The following RNF115 variants were observed in gnomAD, a reference collection of about 807,000 sequenced individuals.
RNF115 encodes the protein ring finger protein 115, also known as E3 ubiquitin-protein ligase RNF115.
In RNF115, 31 loss-of-function variants were observed where a neutral mutation model predicts 39.2. The ratio of observed to expected loss-of-function variants is 0.79; its 90% CI spans 0.59 to 1.07. RNF115 has a LOEUF of 1.07. RNF115 is among the 50% of genes least tolerant of loss of function. The probability of loss-of-function intolerance (pLI) is 0.00; values close to 1 mark genes in which losing one functional copy is unlikely to be tolerated. For missense variants in RNF115, 384 were observed against 381.7 expected, an observed-to-expected ratio of 1.01 and a Z score of -0.05; for synonymous variants, 124 against 131.0, an observed-to-expected ratio of 0.95 and a Z score of 0.37.
rs1347044233 is a variant in RNF115 at position 145,740,323 on chromosome 1, G to A, written c.*6543C>T. On this transcript the variant is annotated 3_prime_UTR_variant, in exon 9 of 9. Coordinates refer to ENST00000582693, the MANE Select transcript of RNF115 (RefSeq NM_014455.4). Reference sequence around the variant, plus strand: ...AGGAAACATCACTGCCCAAGTTTATGAAGACATTTAAGAGCATCAGATTAC... The same window carrying A: ...AGGAAACATCACTGCCCAAGTTTATAAAGACATTTAAGAGCATCAGATTAC... 6.6e-6 allele frequency: 1 copy of A among 152,180 alleles called. No individual in the cohort carries two copies. Among genetic ancestry groups the A allele is most frequent in the Non-Finnish European group, 1.5e-5 (1 of 68,024 alleles). The allele number at this position is 152,180 out of a possible 1,614,324, so 9.4% of individuals were successfully genotyped here.
chr1:145,799,336 G>A (rs1339501429), intron 1 of RNF115, among the ~76,000 whole-genome samples: 2 of 152,110 alleles, frequency 1.3e-5, no homozygotes, highest in Non-Finnish European at 2.9e-5. Context: ...AAAGTGCTGG[G>A]ATTACAGGCA....
chr1:145,765,434 AAAAAAAATTATT>A lies in RNF115; in HGVS notation c.428+6265_428+6276del, dbSNP rs1418376566. Among the ~76,000 whole-genome samples the A allele has an allele frequency of 3.3e-5, 5 of 151,888 alleles. No homozygotes were observed. In the East Asian group the frequency reaches 9.6e-4, roughly 29 times the overall value. ...TGATCAATAAAAAAAAAAAAAATTA[AAAAAAAATTATT>A]TGAAGTGAAATATGAGTAATTCCTT... On this transcript the variant is annotated intron_variant, in intron 4 of 8. Transcript: ENST00000582693.
At chr1:145,780,997 T>C (rs1374013558) in intron 3 of RNF115, among the ~76,000 whole-genome samples, 2 of 152,162 alleles carry the variant, frequency 1.3e-5, no homozygotes, top group Admixed American at 6.5e-5. Context: ...AAGCTTAGTA[T>C]AGCAATGTCT....
rs190850752 is a variant in RNF115, at chr1:145,780,477, A to T, written c.219+4062T>A. On this transcript the variant is annotated intron_variant, in intron 3 of 8. Transcript: ENST00000582693. The stretch of plus-strand genomic sequence containing the variant: ...CTACTAAAAATATAAAAAATTAGCC[A>T]GGCGTGGTGGCACGCGCCTGTGGTC... Among the ~76,000 whole-genome samples the T allele has an allele frequency of 4.4e-3, 672 of 151,838 alleles. 5 individuals are homozygous for T. Among genetic ancestry groups the T allele is most frequent in the African/African-American group, 0.016 (643 of 41,428 alleles).
At chr1:145,789,821 T>C (rs1298576165) in intron 1 of RNF115, among the ~76,000 whole-genome samples, 2 of 150,096 alleles carry the variant, frequency 1.3e-5, no homozygotes, top group Non-Finnish European at 3.0e-5. Flanking sequence ...GTGATTCTCC[T>C]GCCTCAGCCT....
At chr1:145,766,789 CGGGGGGGGGGGGGG>C (rs1164074188) in intron 4 of RNF115, among the ~76,000 whole-genome samples, 1 of 5,080 alleles carries the variant, frequency 2.0e-4, no homozygotes, top group Non-Finnish European at 6.3e-4. Flanking sequence ...GGCGGCTGGC[CGGGGGGGGGGGGGG>C]GGGGGGGCTG....
intron 7 of RNF115, among the ~76,000 whole-genome samples, chr1:145,749,741 A>C (rs1415609736): frequency 6.6e-6 from 1 of 152,068 alleles, no homozygotes; most frequent in Non-Finnish European, 1.5e-5. Context: ...CTGCCCCTAG[A>C]CTAATCTTCC....
chr1:145,753,025 T>C lies in RNF115; in HGVS notation c.453A>G (p.Gly151=). 6.2e-7 allele frequency: 1 copy of C among 1,611,392 alleles called. No individual in the cohort carries two copies. The highest frequency in any genetic ancestry group is 8.5e-7 in the Non-Finnish European group (1 of 1,177,698). The part of the protein sequence containing the change: ...IEGILQHIFA[G]FFANSAIPGS... ...CAGGAATGGCAGAATTTGCAAAGAA[T>C]CCTGCAAAGATGTGTTGTAGTATTC... Residue 151 remains glycine, a synonymous_variant, in exon 5 of 9, where the codon GGA becomes GGG. Coordinates refer to ENST00000582693, the MANE Select transcript of RNF115 (RefSeq NM_014455.4).
At chr1:145,805,368 GCAAA>G (rs1246681622) in intron 1 of RNF115, among the ~76,000 whole-genome samples, 1 of 148,712 alleles carries the variant, frequency 6.7e-6, no homozygotes, top group African/African-American at 2.5e-5. Context: ...CAACCTCAAA[GCAAA>G]CAAAGAATAT....
rs1452545549 is a variant in RNF115 at position 145,771,698 on chromosome 1, T to C, written c.428+13A>G. 1.9e-6 allele frequency: 3 copies of C among 1,608,550 alleles called. No homozygotes were observed. The highest frequency in any genetic ancestry group is 2.2e-5 in the East Asian group (1 of 44,856). On this transcript the variant is annotated intron_variant, in intron 4 of 8. Transcript: ENST00000582693. Reference sequence around the variant, plus strand: ...AAACTACCTTAAAAAGAACTTAAAATAAAACAACTCACCCTTCAATAGCTG... The same window carrying C: ...AAACTACCTTAAAAAGAACTTAAAACAAAACAACTCACCCTTCAATAGCTG...
chr1:145,811,355 CAAAAAAAA>C (rs71829191), intron 1 of RNF115, among the ~76,000 whole-genome samples: 1 of 60,456 alleles, frequency 1.7e-5, no homozygotes, highest in African/African-American at 8.1e-5. Flanking sequence ...CCATCACTAC[CAAAAAAAA>C]AAAAAAAAAA....
chr1:145,771,756 C>G lies in RNF115; in HGVS notation c.383G>C (p.Arg128Thr), dbSNP rs200984601. ...PPRLPLGRRYRSRGSSRPDRS... is the reference protein window; with the variant it reads ...PPRLPLGRRYTSRGSSRPDRS... ...GTCAGGACGAGAACTTCCTCGAGAT[C>G]TGTATCTCCGACCCAATGGCAACCG... The change falls in exon 4 of 9, where the codon AGA becomes ACA. Residue 128 changes from arginine (R) to threonine (T), a missense_variant. By Grantham distance (71) the Arg-to-Thr change is moderately conservative. Coordinates refer to ENST00000582693, the MANE Select transcript of RNF115 (RefSeq NM_014455.4). 3 of 1,614,178 alleles carry G rather than the reference C, an allele frequency of 1.9e-6. No individual in the cohort carries two copies. Among genetic ancestry groups the G allele is most frequent in the Non-Finnish European group, 2.5e-6 (3 of 1,180,016 alleles).
chr1:145,754,160 AT>A (rs1353644400), intron 4 of RNF115, among the ~76,000 whole-genome samples: 1 of 151,970 alleles, frequency 6.6e-6, no homozygotes, highest in Non-Finnish European at 1.5e-5. Context: ...TTTTTGTATT[AT>A]TTTTCATTAT....
At chr1:145,780,551 C>T (rs1211445552) in intron 3 of RNF115, among the ~76,000 whole-genome samples, 2 of 141,700 alleles carry the variant, frequency 1.4e-5, no homozygotes, top group Admixed American at 1.5e-4. Flanking sequence ...ACCCAGAAGG[C>T]GGAGGTTGCA....
chr1:145,750,657 C>G (rs1196042806), intron 6 of RNF115, among the ~76,000 whole-genome samples, 157 bp from the exon 7 acceptor site: 2 of 152,186 alleles, frequency 1.3e-5, no homozygotes, highest in Non-Finnish European at 2.9e-5. Context: ...CCCTTTCCTG[C>G]TGCCAGAACA....
intron 1 of RNF115, among the ~76,000 whole-genome samples, chr1:145,801,400 A>C (rs1649237884): frequency 6.6e-6 from 1 of 151,952 alleles, no homozygotes. Context: ...CCCCGTCTCT[A>C]CTAAAAATAC....
chr1:145,804,561 C>A (rs1381106310), intron 1 of RNF115, among the ~76,000 whole-genome samples: 1 of 151,514 alleles, frequency 6.6e-6, no homozygotes, highest in African/African-American at 2.4e-5. Flanking sequence ...GAATAACCAA[C>A]CAGTTGTGTG....
At chr1:145,822,700 A>G (rs1476647029) in intron 1 of RNF115, among the ~76,000 whole-genome samples, 1 of 150,574 alleles carries the variant, frequency 6.6e-6, no homozygotes, top group Non-Finnish European at 1.5e-5. Context: ...TAGTAGCTAC[A>G]ACCCAACCCA....
At chr1:145,784,227 A>G (rs1436758911) in intron 3 of RNF115, among the ~76,000 whole-genome samples, 1 of 152,216 alleles carries the variant, frequency 6.6e-6, no homozygotes, top group African/African-American at 2.4e-5. Flanking sequence ...TATTTCAAAA[A>G]CAGCAAAAGC....
Sources: allele counts gnomAD v4.1 joint callset (sites outside exome capture counted in the v4.1 genomes callset), GRCh38; gene constraint gnomAD v4.1.1; transcripts MANE v1.5; gene names NCBI Gene and HGNC (gene_info 2026-07-23, HGNC 2026-07-21).